Variants in RFX1 observed in about 807,000 individuals in gnomAD.
RFX1 encodes regulatory factor X1.
Under a neutral mutation model 119.6 loss-of-function variants are expected in RFX1, and 42 were observed. The observed-to-expected ratio is 0.35, with a 90% CI of 0.27 to 0.45. The LOEUF (loss-of-function observed/expected upper bound fraction) is 0.45. RFX1 is among the 20% of genes least tolerant of loss of function. The pLI is 1.00. For missense variants in RFX1, 1,118 were observed against 1,368.1 expected (o/e 0.82, Z 2.88); for synonymous variants, 628 against 618.5 (o/e 1.02, Z -0.23).
chr19:13,966,417 TCACA>T lies in RFX1; in HGVS notation c.1961_1961+3del. On this transcript the variant is annotated splice_donor_variant and splice_donor_region_variant and coding_sequence_variant and intron_variant, in exon 14 of 21. Coordinates refer to ENST00000254325, the MANE Select transcript of RFX1 (RefSeq NM_002918.5). LOFTEE classifies it high-confidence loss of function. The surrounding 1 kb of genome is among the most constrained non-coding windows in gnomAD (Gnocchi z 6.3). ...CCCTCCCACAGTCGCCGGGCAGTAC[TCACA>T]CAGCCAGCGGTGGCGCCTCACTGGG... The T allele has an allele frequency of 6.3e-7, 1 of 1,593,730 alleles. No individual in the cohort carries two copies. The highest frequency in any genetic ancestry group is 1.7e-5 in the Admixed American group (1 of 59,906).
At position 13,980,743 on chromosome 19, in the gene RFX1, G is replaced by GGGGTGGGCTCGC; in HGVS notation, c.622-55_622-54insGCGAGCCCACCC. 6 of 1,306,238 alleles carry GGGGTGGGCTCGC rather than the reference G, an allele frequency of 4.6e-6. No homozygotes were observed. The highest frequency in any genetic ancestry group is 6.4e-6 in the Non-Finnish European group (6 of 930,504). 80.9% of individuals were successfully genotyped at this position (1,306,238 alleles called of 1,614,324 possible). A position where few individuals can be genotyped will look rare whatever the true frequency, so the allele number is the denominator to read the frequency against. ...GCTGGGGTGGGCTTGCATCCTCTCTGAGGTGGGCTCACACACACACCCTTC... is the reference window on the plus strand; with the variant it reads ...GCTGGGGTGGGCTTGCATCCTCTCTGGGGTGGGCTCGCAGGTGGGCTCACACACACACCCTTC... On this transcript the variant is annotated intron_variant, in intron 5 of 20. Coordinates refer to ENST00000254325, the MANE Select transcript of RFX1 (RefSeq NM_002918.5). This position sits in a 1 kb window ranked among gnomAD's most constrained non-coding sequence, Gnocchi z 5.1.
chr19:13,965,359 G>C lies in RFX1; in HGVS notation c.2211+90C>G, dbSNP rs1429369010. 1.7e-6 allele frequency: 2 copies of C among 1,161,904 alleles called. No homozygotes were observed. Among genetic ancestry groups the C allele is most frequent in the Non-Finnish European group, 2.5e-6 (2 of 788,832 alleles). 72.0% of individuals were successfully genotyped at this position (1,161,904 alleles called of 1,614,324 possible). On this transcript the variant is annotated intron_variant, in intron 16 of 20. Transcript: ENST00000254325. The surrounding 1 kb of genome is among the most constrained non-coding windows in gnomAD (Gnocchi z 4.7). ...CACAGGCATCATCCCTGGAACAGGC[G>C]TGGGGACAAATTTTACCGCCCCTGG...
chr19:13,975,961 C>T (rs1233146117), intron 8 of RFX1, among the ~76,000 whole-genome samples: 1 of 152,222 alleles, frequency 6.6e-6, no homozygotes, highest in East Asian at 1.9e-4. Context: ...TAGGTGCAAT[C>T]ACACACACTA....
rs929028015 is a variant in RFX1, at chr19:13,985,081, C to T, written c.320-1486G>A. ...CTTGCTATATTGCCCAGGCTGGTCT[C>T]GAACTCTTGGACTCAAGCAATCCAC... is the stretch of plus-strand genomic sequence containing the variant. On this transcript the variant is annotated intron_variant, in intron 2 of 20. Transcript: ENST00000254325. The surrounding 1 kb of genome is among the most constrained non-coding windows in gnomAD (Gnocchi z 4.3). Among the ~76,000 whole-genome samples the T allele has an allele frequency of 3.9e-5, 6 of 152,170 alleles. No homozygotes were observed. Among genetic ancestry groups the T allele is most frequent in the African/African-American group, 9.6e-5 (4 of 41,508 alleles).
At chr19:13,999,199 G>GT (rs1322134019) in intron 1 of RFX1, among the ~76,000 whole-genome samples, 3 of 152,132 alleles carry the variant, frequency 2.0e-5, no homozygotes, top group Non-Finnish European at 2.9e-5. Flanking sequence ...ATATTTGAGC[G>GT]TGAGAACCCT....
In RFX1 at chr19:13,979,524, TGGCCTG is replaced by T; in HGVS notation, c.751_756del (p.Gln251_Ala252del). The T allele has an allele frequency of 6.3e-7, 1 of 1,595,336 alleles. No homozygotes were observed. The highest frequency in any genetic ancestry group is 8.5e-7 in the Non-Finnish European group (1 of 1,169,892). On this transcript the variant is annotated inframe_deletion, in exon 7 of 21. Transcript: ENST00000254325. ...GGGCCGGGTTTGGGCGCTTGTGGAG[TGGCCTG>T]GACCACAGATCTCTGGGAGGGGAAA...
chr19:13,983,466 C>G lies in RFX1; in HGVS notation c.429+20G>C, dbSNP rs997478703. The stretch of plus-strand genomic sequence containing the variant: ...CCCCTCCCGGGCCCTCCCCCACCCC[C>G]TGGGAGGGCCACATCCTACCTGCTG... On this transcript the variant is annotated intron_variant, in intron 3 of 20. Coordinates refer to ENST00000254325, the MANE Select transcript of RFX1 (RefSeq NM_002918.5). 4 of 1,568,182 alleles carry G rather than the reference C, an allele frequency of 2.6e-6. No homozygotes were observed. In the African/African-American group the frequency reaches 5.4e-5, roughly 21 times the overall value.
chr19:13,964,666 G>C (rs1973836593), intron 16 of RFX1, among the ~76,000 whole-genome samples: 1 of 152,026 alleles, frequency 6.6e-6, no homozygotes, highest in Non-Finnish European at 1.5e-5. Flanking sequence ...ATTTTTAGTA[G>C]AGACAAGGTT....
At chr19:13,973,812 A>G (rs1974168304) in intron 8 of RFX1, among the ~76,000 whole-genome samples, 2 of 151,754 alleles carry the variant, frequency 1.3e-5, no homozygotes, top group Admixed American at 6.6e-5. Context: ...GTATTTTTTT[A>G]GTACAGTTGG....
At chr19:13,963,065 G>A in intron 19 of RFX1, 26 bp from the exon 20 acceptor site, 1 of 1,590,096 alleles carries the variant, frequency 6.3e-7, no homozygotes, top group Non-Finnish European at 8.6e-7. Flanking sequence ...AAGAAAATGG[G>A]TGAGGGTCCC....
chr19:13,980,533 G>C lies in RFX1; in HGVS notation c.738+40C>G, dbSNP rs770577023. On this transcript the variant is annotated intron_variant, in intron 6 of 20. Coordinates refer to ENST00000254325, the MANE Select transcript of RFX1 (RefSeq NM_002918.5). This position sits in a 1 kb window ranked among gnomAD's most constrained non-coding sequence, Gnocchi z 5.1. ...GGGGGCTGCAGAGGCTGCCTGGCCG[G>C]TACCCCTGGACCGAGCCACTGCCCG... The C allele has an allele frequency of 4.5e-6, 6 of 1,341,006 alleles. No homozygotes were observed. The Admixed American group carries it at 9.9e-5, about 22-fold the overall frequency. 83.1% of individuals were successfully genotyped at this position (1,341,006 alleles called of 1,614,324 possible).
chr19:13,973,056 G>A lies in RFX1; in HGVS notation c.1001C>T (p.Ala334Val). ...TQTASTSYYE[A>V]AGTATQVSTP... ...GCTGACCTGGGTGGCCGTGCCTGCG[G>A]CCTCGTAGTAGCTGGTGCTTGCCGT... Residue 334 changes from alanine (A) to valine (V), a missense_variant, in exon 9 of 21, where the codon GCC becomes GTC. This residue lies in a region of RFX1 where 542 missense variants were observed against 602.7 expected (regional missense o/e 0.90). Transcript: ENST00000254325. 1.9e-6 allele frequency: 3 copies of A among 1,601,892 alleles called. No individual in the cohort carries two copies. Among genetic ancestry groups the A allele is most frequent in the Non-Finnish European group, 2.5e-6 (3 of 1,179,864 alleles).
intron 16 of RFX1, among the ~76,000 whole-genome samples, chr19:13,964,469 A>C (rs1973829903): frequency 6.6e-6 from 1 of 151,790 alleles, no homozygotes; most frequent in Admixed American, 6.6e-5. Context: ...TGCTTTGATA[A>C]ACACGTTTCA....
intron 17 of RFX1, 52 bp from the exon 18 acceptor site, chr19:13,963,798 G>T (rs1973800977): frequency 6.7e-7 from 1 of 1,494,592 alleles, no homozygotes; most frequent in Middle Eastern, 2.3e-4. Context: ...CGTCACCCCC[G>T]CCTGGCCCGC....
At chr19:13,963,062 T>G (rs776420729) in intron 19 of RFX1, 23 bp from the exon 20 acceptor site, 2 of 1,587,358 alleles carry the variant, frequency 1.3e-6, no homozygotes, top group Non-Finnish European at 8.6e-7. Flanking sequence ...GAGAAGAAAA[T>G]GGGTGAGGGT....
Position 13,965,726 on chromosome 19 carries a change from G to A in RFX1, c.2013C>T (p.Ser671=). The change falls in exon 15 of 21, where the codon TCC becomes TCT. Residue 671 remains serine (S), a synonymous_variant. Transcript: ENST00000254325. This position sits in a 1 kb window ranked among gnomAD's most constrained non-coding sequence, Gnocchi z 4.7. ...TCCATTGGAGCACGGGCTCGAACTTGGAGAGGAGCACCAGGATGGCTTTGG... is the reference window on the plus strand; with the variant it reads ...TCCATTGGAGCACGGGCTCGAACTTAGAGAGGAGCACCAGGATGGCTTTGG... The part of the protein sequence containing the change: ...RLPKAILVLL[S]KFEPVLQWTK... 1 of 1,613,924 alleles carries A rather than the reference G, an allele frequency of 6.2e-7. No homozygotes were observed. Among genetic ancestry groups the A allele is most frequent in the Non-Finnish European group, 8.5e-7 (1 of 1,179,988 alleles).
intron 4 of RFX1, 199 bp downstream of exon 4, chr19:13,982,988 C>T: frequency 3.5e-6 from 2 of 572,142 alleles, no homozygotes; most frequent in Non-Finnish European, 6.2e-6. Flanking sequence ...ATGGCTCCTG[C>T]AGCTCCTCTG....
Position 13,970,121 on chromosome 19 carries a change from T to C in RFX1, c.1369A>G (p.Ser457Gly), listed in dbSNP as rs1599480497. ...AGTAAGTAGTGGCAGTAGAGGGTGC[T>C]CCGTGGCAGACTCACGCCCTCAGCC... ...ETAEGVSLPR[S>G]TLYCHYLLHC... The change falls in exon 10 of 21, where the codon AGC (serine) becomes GGC (glycine). Residue 457 changes from serine to glycine, a missense_variant. Coordinates refer to ENST00000254325, the MANE Select transcript of RFX1 (RefSeq NM_002918.5). 1.2e-6 allele frequency: 2 copies of C among 1,613,838 alleles called. No homozygotes were observed. The highest frequency in any genetic ancestry group is 1.7e-6 in the Non-Finnish European group (2 of 1,179,946).
Position 13,962,622 on chromosome 19 carries a change from G to A in RFX1, c.*73C>T. The A allele has an allele frequency of 1.6e-6, 2 of 1,222,560 alleles. No individual in the cohort carries two copies. Among genetic ancestry groups the A allele is most frequent in the Non-Finnish European group, 2.2e-6 (2 of 929,208 alleles). 75.7% of individuals were successfully genotyped at this position (1,222,560 alleles called of 1,614,324 possible). A position where few individuals can be genotyped will look rare whatever the true frequency, so the allele number is the denominator to read the frequency against. On this transcript the variant is annotated 3_prime_UTR_variant, in exon 21 of 21. Transcript: ENST00000254325. ...TGGCTGAGGCTGGAGCAGTGACCAC[G>A]AAGCCACAGAAGCTTTGAGGGACCC... is the stretch of plus-strand genomic sequence containing the variant.
Sources: gnomAD v4.1 joint callset for allele counts (sites outside exome capture counted in the v4.1 genomes callset) on GRCh38, gnomAD v4.1.1 for gene constraint, gnomAD v4.1.1 regional missense constraint, Gnocchi (gnomAD v3.1) non-coding constraint, MANE v1.5 for transcripts, NCBI Gene and HGNC (gene_info 2026-07-23, HGNC 2026-07-21) for gene names.